Variants in EXOC4 observed in about 807,000 individuals in gnomAD.
EXOC4 encodes SEC8-like 1.
Under a neutral mutation model 107.2 loss-of-function variants are expected in EXOC4, and 71 were observed. The ratio of observed to expected loss-of-function variants is 0.66; its 90% CI spans 0.55 to 0.81. The LOEUF (loss-of-function observed/expected upper bound fraction) is 0.81, where lower values mean the gene tolerates loss of function less well. EXOC4 is among the 30% of genes least tolerant of loss of function. EXOC4 has a pLI of 0.00. For missense variants in EXOC4, 1,108 were observed against 1,189.6 expected (o/e 0.93, Z 1.01); for synonymous variants, 456 against 441.2 (o/e 1.03, Z -0.42).
At chr7:133,679,523 C>CCCATCCGTCCGTCCAT (rs1554383006) in intron 10 of EXOC4, among the ~76,000 whole-genome samples, 3 of 124,172 alleles carry the variant, frequency 2.4e-5, no homozygotes, top group African/African-American at 1.0e-4. Flanking sequence ...TTGCTACTGC[C>CCCATCCGTCCGTCCAT]CCATCCATCC....
intron 9 of EXOC4, among the ~76,000 whole-genome samples, chr7:133,537,303 C>CCG (rs1554469179): frequency 3.4e-5 from 5 of 147,622 alleles, no homozygotes; most frequent in African/African-American, 1.3e-4. Context: ...GGCACCCCCC[C>CCG]CCCCACCACA....
chr7:133,270,725 T>C (rs1250661857), intron 1 of EXOC4, among the ~76,000 whole-genome samples: 2 of 152,176 alleles, frequency 1.3e-5, no homozygotes, highest in African/African-American at 4.8e-5. Context: ...AGCTCTGCAT[T>C]ACACAGAGGC....
chr7:133,314,152 G>A (rs947040807), intron 4 of EXOC4, among the ~76,000 whole-genome samples: 1 of 152,112 alleles, frequency 6.6e-6, no homozygotes, highest in African/African-American at 2.4e-5. Context: ...TATGTGGTGA[G>A]AAGAGGTCTT....
intron 1 of EXOC4, among the ~76,000 whole-genome samples, chr7:133,267,284 A>T (rs1216939261): frequency 1.3e-5 from 2 of 152,096 alleles, no homozygotes; most frequent in African/African-American, 4.8e-5. Flanking sequence ...AAAGCTCACA[A>T]AGTTGGGCCT....
chr7:134,046,519 G>A (rs6951591), intron 17 of EXOC4, among the ~76,000 whole-genome samples: 1 of 150,260 alleles, frequency 6.7e-6, no homozygotes. Flanking sequence ...CCTAAGTCAT[G>A]GCCCTCACCA....
At chr7:133,811,044 A>G (rs1253735049) in intron 10 of EXOC4, among the ~76,000 whole-genome samples, 1 of 152,096 alleles carries the variant, frequency 6.6e-6, no homozygotes, top group South Asian at 2.1e-4. Flanking sequence ...TGATCTGAAT[A>G]AGGGTCCTCA....
the EXOC4 span, among the ~76,000 whole-genome samples, chr7:134,081,975 C>T: frequency 6.6e-6 from 1 of 152,178 alleles, no homozygotes; most frequent in Non-Finnish European, 1.5e-5. Context: ...CTACACCAAG[C>T]ATGTTCAATA....
intron 9 of EXOC4, among the ~76,000 whole-genome samples, chr7:133,507,548 C>A (rs1308199755): frequency 6.6e-6 from 1 of 152,154 alleles, no homozygotes; most frequent in Non-Finnish European, 1.5e-5. Context: ...AGATAAAATA[C>A]ATGTGCCATG....
intron 9 of EXOC4, among the ~76,000 whole-genome samples, chr7:133,554,645 CCTG>C (rs1339281013): frequency 6.6e-6 from 1 of 152,158 alleles, no homozygotes; most frequent in Non-Finnish European, 1.5e-5. Flanking sequence ...CTTTCCTAGG[CCTG>C]CTGCTTCAGG....
At chr7:133,572,735 G>A (rs564862813) in intron 9 of EXOC4, among the ~76,000 whole-genome samples, 2 of 151,982 alleles carry the variant, frequency 1.3e-5, no homozygotes, top group Admixed American at 1.3e-4. Context: ...GAAGCTTTTG[G>A]GGTCCTTAAA....
chr7:133,927,035 ATCC>A (rs1800067296), intron 13 of EXOC4, among the ~76,000 whole-genome samples: 1 of 152,122 alleles, frequency 6.6e-6, no homozygotes, highest in African/African-American at 2.4e-5. Flanking sequence ...CTTCTGTGGA[ATCC>A]TCTTAGTATG....
At chr7:133,349,897 A>G (rs1289123409) in intron 5 of EXOC4, among the ~76,000 whole-genome samples, 2 of 151,770 alleles carry the variant, frequency 1.3e-5, no homozygotes, top group Non-Finnish European at 2.9e-5. Context: ...GTAGGGTGGC[A>G]TCTCATTTTA....
intron 5 of EXOC4, among the ~76,000 whole-genome samples, chr7:133,330,082 T>A (rs1795345747): frequency 6.6e-6 from 1 of 152,148 alleles, no homozygotes; most frequent in South Asian, 2.1e-4. Flanking sequence ...TGTAAGCCCC[T>A]GACTGGGGCT....
intron 17 of EXOC4, among the ~76,000 whole-genome samples, chr7:134,023,340 C>T (rs1795068397): frequency 1.3e-5 from 2 of 152,152 alleles, no homozygotes; most frequent in Admixed American, 6.5e-5. Context: ...TTTCATACTG[C>T]ATCGTAGAGT....
At chr7:134,011,618 C>T (rs1182922935) in intron 17 of EXOC4, among the ~76,000 whole-genome samples, 3 of 152,074 alleles carry the variant, frequency 2.0e-5, no homozygotes, top group Admixed American at 6.6e-5. Context: ...ACAGATTCCT[C>T]GCCCGGTTAT....
At chr7:134,095,769 C>T in the EXOC4 span, among the ~76,000 whole-genome samples, 10 of 152,090 alleles carry the variant, frequency 6.6e-5, no homozygotes, top group Admixed American at 2.0e-4. Flanking sequence ...GATAGCCATA[C>T]GTAGAAAAAT....
At chr7:134,035,828 A>G (rs529444225) in intron 17 of EXOC4, among the ~76,000 whole-genome samples, 1 of 152,264 alleles carries the variant, frequency 6.6e-6, no homozygotes, top group East Asian at 1.9e-4. Flanking sequence ...CATCACAGAG[A>G]CACATTGGAA....
chr7:133,587,255 A>G (rs1457667686), intron 9 of EXOC4, among the ~76,000 whole-genome samples: 1 of 152,232 alleles, frequency 6.6e-6, no homozygotes, highest in African/African-American at 2.4e-5. Flanking sequence ...GTGGAATTCT[A>G]TGAAAGTTAA....
chr7:133,645,681 A>C (rs754200381), intron 10 of EXOC4, among the ~76,000 whole-genome samples: 1 of 121,254 alleles, frequency 8.2e-6, no homozygotes, highest in Non-Finnish European at 1.8e-5. Context: ...CAGGGTTGTT[A>C]GGAATTCACA....
Sources: allele counts gnomAD v4.1 joint callset (sites outside exome capture counted in the v4.1 genomes callset), GRCh38; gene constraint gnomAD v4.1.1; transcripts MANE v1.5; gene names NCBI Gene and HGNC (gene_info 2026-07-23, HGNC 2026-07-21).